Variants in PLEKHG3 observed in about 807,000 individuals in gnomAD.
PLEKHG3 encodes the protein pleckstrin homology and RhoGEF domain containing G3.
PLEKHG3 carries 62 observed loss-of-function variants against 94.9 expected under a neutral mutation model. That is an observed-to-expected ratio of 0.65 (90% CI 0.53 to 0.81). PLEKHG3 has a LOEUF of 0.81. PLEKHG3 is among the 30% of genes least tolerant of loss of function. The pLI is 0.00. For missense variants in PLEKHG3, 1,461 were observed against 1,619.3 expected (o/e 0.90, Z 1.68); for synonymous variants, 614 against 654.0 (o/e 0.94, Z 0.93).
At position 64,741,202 on chromosome 14, in the gene PLEKHG3, A is replaced by G; in HGVS notation, c.1685A>G (p.Asp562Gly). 6.2e-7 allele frequency: 1 copy of G among 1,614,040 alleles called. No homozygotes were observed. The highest frequency in any genetic ancestry group is 2.2e-5 in the East Asian group (1 of 44,868). The change falls in exon 16 of 17, where the codon GAC becomes GGC. Residue 562 changes from aspartate to glycine, a missense_variant. By Grantham distance (94) the Asp-to-Gly change is moderately conservative. Coordinates refer to ENST00000247226, the MANE Select transcript of PLEKHG3 (RefSeq NM_001308147.2). ...ATGGACCCCCCAGGTGACATGGTGG[A>G]CTTCGTGGCAGCTGAGAGCACTGAG... ...LGMDPPGDMVDFVAAESTEDL... is the reference protein window; with the variant it reads ...LGMDPPGDMVGFVAAESTEDL...
At position 64,748,797 on chromosome 14, in the gene PLEKHG3, C is replaced by T. The variant is rs1290431491; in HGVS notation, c.*5094C>T. On this transcript the variant is annotated 3_prime_UTR_variant, in exon 17 of 17. Transcript: ENST00000247226. ...CACCTGAAGGCTCCTTCCTCATGCC[C>T]CTAGGGGGCTGGCCATGCATTTCCA... 1 of 162,046 alleles carries T rather than the reference C, an allele frequency of 6.2e-6. No homozygotes were observed. The highest frequency in any genetic ancestry group is 1.3e-5 in the Non-Finnish European group (1 of 75,402). The allele number at this position is 162,046 out of a possible 1,614,324, so 10.0% of individuals were successfully genotyped here.
chr14:64,747,844 T>C lies in PLEKHG3; in HGVS notation c.*4141T>C, dbSNP rs1352907578. ...ACCCGCTTGACTGCTCTCTTGGACC[T>C]AACCCTAGTTTGATACTGGGCCAGA... On this transcript the variant is annotated 3_prime_UTR_variant, in exon 17 of 17. Transcript: ENST00000247226. 1 of 115,390 alleles carries C rather than the reference T, an allele frequency of 8.7e-6. No individual in the cohort carries two copies. The highest frequency in any genetic ancestry group is 1.7e-5 in the Non-Finnish European group (1 of 60,474). The allele number at this position is 115,390 out of a possible 1,614,324, so 7.1% of individuals were successfully genotyped here. A position where few individuals can be genotyped will look rare whatever the true frequency, so the allele number is the denominator to read the frequency against.
intron 1 of PLEKHG3, among the ~76,000 whole-genome samples, chr14:64,707,875 C>T (rs1010209302): frequency 3.9e-5 from 6 of 152,196 alleles, no homozygotes; most frequent in African/African-American, 9.7e-5. Flanking sequence ...TCTTACCCAA[C>T]GTGGAGTTAG....
At chr14:64,708,187 C>G (rs1193895837) in intron 1 of PLEKHG3, among the ~76,000 whole-genome samples, 1 of 152,186 alleles carries the variant, frequency 6.6e-6, no homozygotes, top group Non-Finnish European at 1.5e-5. Context: ...GTGGGACTCC[C>G]AGGTATGTCC....
chr14:64,737,766 G>T, intron 14 of PLEKHG3: 1 of 562,792 alleles, frequency 1.8e-6, no homozygotes, highest in Non-Finnish European at 2.6e-6. Context: ...TCTAGGTGTG[G>T]CTTTCTGTGT....
intron 1 of PLEKHG3, among the ~76,000 whole-genome samples, chr14:64,706,651 T>C (rs989357409): frequency 3.9e-5 from 6 of 152,248 alleles, no homozygotes; most frequent in African/African-American, 1.4e-4. Flanking sequence ...GAGCCATTGT[T>C]GGATGTTTAA....
Position 64,730,672 on chromosome 14 carries a change from T to C in PLEKHG3, c.550T>C (p.Cys184Arg), listed in dbSNP as rs1300276095. Reference protein sequence around the residue: ...SQEFDIYTQYCNNYPNSVAAL... With the variant: ...SQEFDIYTQYRNNYPNSVAAL... ...AGAGTTTGATATCTACACTCAGTATTGCAACAATTACCCCAAGTGAGTAAT... is the reference window on the plus strand; with the variant it reads ...AGAGTTTGATATCTACACTCAGTATCGCAACAATTACCCCAAGTGAGTAAT... Residue 184 changes from cysteine to arginine, a missense_variant, in exon 5 of 17, where the codon TGC becomes CGC. Physicochemically the swap from Cys to Arg is radical, Grantham distance 180. Transcript: ENST00000247226. This position sits in a 1 kb window ranked among gnomAD's most constrained non-coding sequence, Gnocchi z 5.4. 6.2e-7 allele frequency: 1 copy of C among 1,613,512 alleles called. No individual in the cohort carries two copies. Among genetic ancestry groups the C allele is most frequent in the South Asian group, 1.1e-5 (1 of 91,070 alleles).
rs769376256 is a variant in PLEKHG3 at position 64,741,322 on chromosome 14, C to T, written c.1805C>T (p.Ala602Val). The T allele has an allele frequency of 8.1e-6, 13 of 1,613,588 alleles. No individual in the cohort carries two copies. Among genetic ancestry groups the T allele is most frequent in the Non-Finnish European group, 1.0e-5 (12 of 1,180,036 alleles). The change falls in exon 16 of 17, where the codon GCC becomes GTC. Residue 602 changes from alanine (A) to valine (V), a missense_variant. By Grantham distance (64) the Ala-to-Val change is moderately conservative. Coordinates refer to ENST00000247226, the MANE Select transcript of PLEKHG3 (RefSeq NM_001308147.2). ...SLLPPSVLDQ[A>V]SVIAERFVSS... is the part of the protein sequence containing the mutation. The stretch of plus-strand genomic sequence containing the variant: ...CTGCCACCCTCTGTGCTGGACCAGG[C>T]CAGCGTCATTGCGGAGCGATTTGTC...
In PLEKHG3 at chr14:64,737,473, C is replaced by G. The variant is rs555026842; in HGVS notation, c.1404+98C>G. On this transcript the variant is annotated intron_variant, in intron 14 of 16. Coordinates refer to ENST00000247226, the MANE Select transcript of PLEKHG3 (RefSeq NM_001308147.2). ...TCAGCCCTCATTGTCTTCATTCATTCAACAAATGCCTACTAAGCACCCACT... is the reference window on the plus strand; with the variant it reads ...TCAGCCCTCATTGTCTTCATTCATTGAACAAATGCCTACTAAGCACCCACT... 2.7e-5 allele frequency: 21 copies of G among 778,020 alleles called. 1 individual carries two copies. The highest frequency in any genetic ancestry group is 2.6e-4 in the South Asian group (14 of 54,050). 48.2% of individuals were successfully genotyped at this position (778,020 alleles called of 1,614,324 possible). A position where few individuals can be genotyped will look rare whatever the true frequency, so the allele number is the denominator to read the frequency against.
chr14:64,718,069 C>T lies in PLEKHG3; in HGVS notation c.-39-9524C>T, dbSNP rs2081199160. Among the ~76,000 whole-genome samples, 1 of 152,206 alleles carries T rather than the reference C, an allele frequency of 6.6e-6. No individual in the cohort carries two copies. Among genetic ancestry groups the T allele is most frequent in the African/African-American group, 2.4e-5 (1 of 41,438 alleles). ...AGCTGCTCTCTTGGCAGCAAATGCA[C>T]TCAGATCTCTTCACCTGGCAAAGCT... is the stretch of plus-strand genomic sequence containing the variant. On this transcript the variant is annotated intron_variant, in intron 1 of 16. Transcript: ENST00000247226. The surrounding 1 kb of genome is among the most constrained non-coding windows in gnomAD (Gnocchi z 5.0).
At position 64,723,453 on chromosome 14, in the gene PLEKHG3, G is replaced by A. The variant is rs2081299471; in HGVS notation, c.-39-4140G>A. 6.6e-6 allele frequency among the ~76,000 whole-genome samples: 1 copy of A among 152,088 alleles called. No homozygotes were observed. Among genetic ancestry groups the A allele is most frequent in the South Asian group, 2.1e-4 (1 of 4,812 alleles). On this transcript the variant is annotated intron_variant, in intron 1 of 16. Coordinates refer to ENST00000247226, the MANE Select transcript of PLEKHG3 (RefSeq NM_001308147.2). The surrounding 1 kb of genome is among the most constrained non-coding windows in gnomAD (Gnocchi z 4.5). The stretch of plus-strand genomic sequence containing the variant: ...TCAAAAAAAGAGAAAAGTCTTTGGG[G>A]ACCTGCTCAAAGAAGGTTTCACAAG...
At chr14:64,734,300 C>T (rs1265108802) in intron 12 of PLEKHG3, among the ~76,000 whole-genome samples, 1 of 152,050 alleles carries the variant, frequency 6.6e-6, no homozygotes, top group African/African-American at 2.4e-5. Context: ...CTTTTCTTTT[C>T]TTCTCCTGTA....
rs1282022329 is a variant in PLEKHG3 at position 64,750,198 on chromosome 14, T to C, written c.*6495T>C. On this transcript the variant is annotated 3_prime_UTR_variant, in exon 17 of 17. Coordinates refer to ENST00000247226, the MANE Select transcript of PLEKHG3 (RefSeq NM_001308147.2). ...GCAGGTCACCCACATCCTGATATGG[T>C]ATCTCTAGAGTCAATTCCTATAGCT... 1.3e-6 allele frequency: 2 copies of C among 1,597,186 alleles called. No homozygotes were observed. Among genetic ancestry groups the C allele is most frequent in the African/African-American group, 2.7e-5 (2 of 74,484 alleles).
chr14:64,731,627 G>A lies in PLEKHG3; in HGVS notation c.1032+84G>A. 1 of 1,522,978 alleles carries A rather than the reference G, an allele frequency of 6.6e-7. No homozygotes were observed. 94.3% of individuals were successfully genotyped at this position (1,522,978 alleles called of 1,614,324 possible). A position where few individuals can be genotyped will look rare whatever the true frequency, so the allele number is the denominator to read the frequency against. On this transcript the variant is annotated intron_variant, in intron 8 of 16. Transcript: ENST00000247226. The surrounding 1 kb of genome is among the most constrained non-coding windows in gnomAD (Gnocchi z 6.1). Reference sequence around the variant, plus strand: ...CTCCCCTTCTTGTCTGCTTCTTGGGGCTCCAGCACCACCCTTCTGAGATCA... The same window carrying A: ...CTCCCCTTCTTGTCTGCTTCTTGGGACTCCAGCACCACCCTTCTGAGATCA...
chr14:64,737,323 G>A (rs770227713), intron 13 of PLEKHG3, 33 bp from the exon 14 acceptor site: 38 of 1,592,566 alleles, frequency 2.4e-5, no homozygotes, highest in East Asian at 9.0e-5. Context: ...CCCCTCGCCC[G>A]TGTGCTGGGG....
chr14:64,708,676 A>G (rs74999772), intron 1 of PLEKHG3, among the ~76,000 whole-genome samples: 4,151 of 152,216 alleles, frequency 0.027, 79 homozygotes, highest in Non-Finnish European at 0.042. Flanking sequence ...GGGCCTACAA[A>G]GGGAGGGGTT....
chr14:64,750,000 T>C lies in PLEKHG3; in HGVS notation c.*6297T>C. ...CCTCACCTCAGCTTAAAGACGTGCT[T>C]CTTCTTCTTGTAGTTGGCAGCAATC... On this transcript the variant is annotated 3_prime_UTR_variant, in exon 17 of 17. Transcript: ENST00000247226. This position sits in a 1 kb window ranked among gnomAD's most constrained non-coding sequence, Gnocchi z 4.7. The C allele has an allele frequency of 6.2e-7, 1 of 1,613,086 alleles. No homozygotes were observed. The highest frequency in any genetic ancestry group is 1.1e-5 in the South Asian group (1 of 91,070).
intron 3 of PLEKHG3, among the ~76,000 whole-genome samples, chr14:64,729,882 C>G (rs1381917261): frequency 1.3e-5 from 2 of 152,164 alleles, no homozygotes; most frequent in African/African-American, 4.8e-5. Flanking sequence ...GGCGCCCTGG[C>G]TCCTTTGCTA....
rs2081695990 is a variant in PLEKHG3, at chr14:64,741,620, C to T, written c.2103C>T (p.Ser701=). 2 of 1,612,842 alleles carry T rather than the reference C, an allele frequency of 1.2e-6. No homozygotes were observed. Among genetic ancestry groups the T allele is most frequent in the Non-Finnish European group, 1.7e-6 (2 of 1,180,036 alleles). ...PGCPVEPDRS[S]CKKKESALST... ...GCCCAGTGGAGCCTGACCGGTCTTC[C>T]TGCAAGAAGAAGGAATCAGCACTCT... The change falls in exon 16 of 17, where the codon TCC becomes TCT. Residue 701 remains serine (S), a synonymous_variant. Coordinates refer to ENST00000247226, the MANE Select transcript of PLEKHG3 (RefSeq NM_001308147.2).
Sources: allele counts gnomAD v4.1 joint callset (sites outside exome capture counted in the v4.1 genomes callset), GRCh38; gene constraint gnomAD v4.1.1; non-coding constraint Gnocchi (gnomAD v3.1); transcripts MANE v1.5; gene names NCBI Gene and HGNC (gene_info 2026-07-23, HGNC 2026-07-21).